The following MAF variants were observed in gnomAD, a reference collection of about 807,000 sequenced individuals.
MAF encodes the protein MAF bZIP transcription factor.
MAF carries 10 observed loss-of-function variants against 22.0 expected under a neutral mutation model. The observed-to-expected ratio is 0.45, with a 90% confidence interval of 0.28 to 0.77. The LOEUF (loss-of-function observed/expected upper bound fraction) is 0.77. Among genes scored for constraint, MAF ranks in the 30% least tolerant of loss-of-function variants. The pLI, the probability that MAF is intolerant of heterozygous loss-of-function variation, is 0.12. For missense variants in MAF, 544 were observed against 548.4 expected (o/e 0.99, Z 0.08); for synonymous variants, 337 against 255.8 (o/e 1.32, Z -3.03).
chr16:79,278,264 G>A, the MAF span, among the ~76,000 whole-genome samples: 1 of 152,212 alleles, frequency 6.6e-6, no homozygotes, highest in Non-Finnish European at 1.5e-5. Context: ...AGGGGAAAGT[G>A]AATCTTTAGC....
At chr16:79,337,670 G>C in the MAF span, among the ~76,000 whole-genome samples, 3 of 152,174 alleles carry the variant, frequency 2.0e-5, no homozygotes, top group Non-Finnish European at 2.9e-5. Context: ...ATGATTGTTA[G>C]GGGTGAAAGC....
chr16:79,564,278 C>T, the MAF span, among the ~76,000 whole-genome samples: 2 of 152,174 alleles, frequency 1.3e-5, no homozygotes, highest in Non-Finnish European at 1.5e-5. Context: ...GTGTGCCTGC[C>T]TTGCTGGAAG....
At chr16:79,584,911 CTA>C (rs944219960), downstream of MAF, among the ~76,000 whole-genome samples, 5 of 152,112 alleles carry the variant, frequency 3.3e-5, no homozygotes, top group African/African-American at 1.2e-4. Flanking sequence ...AAAAATGAGG[CTA>C]TGTTTTTCCA....
chr16:79,596,974 A>G (rs1042940835), intron 1 of MAF: 2 of 1,052,226 alleles, frequency 1.9e-6, no homozygotes, highest in Non-Finnish European at 2.3e-6. Context: ...AAAAACATAC[A>G]TTTTTGAATG....
chr16:79,375,566 G>A, the MAF span, among the ~76,000 whole-genome samples: 1 of 152,070 alleles, frequency 6.6e-6, no homozygotes, highest in Non-Finnish European at 1.5e-5. Flanking sequence ...TGACAATGAT[G>A]ATGAAGATGA....
the MAF span, among the ~76,000 whole-genome samples, chr16:79,252,015 C>T: frequency 6.6e-6 from 1 of 152,220 alleles, no homozygotes; most frequent in Admixed American, 6.5e-5. Flanking sequence ...ACTAAGAATC[C>T]TGCAAATAGC....
At chr16:79,492,783 C>A in the MAF span, among the ~76,000 whole-genome samples, 1 of 152,156 alleles carries the variant, frequency 6.6e-6, no homozygotes, top group African/African-American at 2.4e-5. Flanking sequence ...AGGGAACATT[C>A]TTTAAGTCCA....
At chr16:79,248,838 T>C in the MAF span, among the ~76,000 whole-genome samples, 6 of 152,166 alleles carry the variant, frequency 3.9e-5, no homozygotes, top group Non-Finnish European at 8.8e-5. Flanking sequence ...AATATCTCTA[T>C]TAAGTTACTT....
At chr16:79,451,281 C>G in the MAF span, among the ~76,000 whole-genome samples, 1 of 152,146 alleles carries the variant, frequency 6.6e-6, no homozygotes, top group Non-Finnish European at 1.5e-5. Context: ...TTTATAAGTG[C>G]CCATGTCTGC....
At chr16:79,285,602 A>G in the MAF span, among the ~76,000 whole-genome samples, 1 of 152,216 alleles carries the variant, frequency 6.6e-6, no homozygotes, top group East Asian at 1.9e-4. Context: ...TGTTGCTTTT[A>G]TAGGAAGTTT....
chr16:79,598,306 G>C, intron 1 of MAF: 3 of 1,092,156 alleles, frequency 2.7e-6, no homozygotes, highest in Non-Finnish European at 3.4e-6. Flanking sequence ...CACACACACA[G>C]AAAATGAACA....
At chr16:79,357,407 G>T in the MAF span, among the ~76,000 whole-genome samples, 1 of 152,132 alleles carries the variant, frequency 6.6e-6, no homozygotes, top group African/African-American at 2.4e-5. Flanking sequence ...CCAACAGTTG[G>T]GGCAACAGAG....
the MAF span, among the ~76,000 whole-genome samples, chr16:79,489,849 C>G: frequency 6.6e-6 from 1 of 152,070 alleles, no homozygotes; most frequent in Non-Finnish European, 1.5e-5. Context: ...GCTTTTCTAA[C>G]GGTGACTCTG....
chr16:79,335,150 A>C, the MAF span, among the ~76,000 whole-genome samples: 2 of 148,498 alleles, frequency 1.3e-5, no homozygotes, highest in Non-Finnish European at 3.0e-5. Context: ...GCGCCACTGC[A>C]CTCCAGCCTG....
chr16:79,221,739 G>A, the MAF span, among the ~76,000 whole-genome samples: 28 of 151,186 alleles, frequency 1.9e-4, no homozygotes, highest in Admixed American at 3.3e-4. Context: ...ACGTGTGTAC[G>A]TATACGTGAT....
chr16:79,253,587 G>C, the MAF span, among the ~76,000 whole-genome samples: 1 of 152,040 alleles, frequency 6.6e-6, no homozygotes, highest in Non-Finnish European at 1.5e-5. Context: ...ATGTGCATGC[G>C]GGAGGGTGGG....
the MAF span, among the ~76,000 whole-genome samples, chr16:79,444,865 T>C: frequency 6.6e-5 from 10 of 152,104 alleles, no homozygotes; most frequent in Admixed American, 6.5e-4. Context: ...ATCTATTAAT[T>C]GCATTGCATG....
the MAF span, among the ~76,000 whole-genome samples, chr16:79,421,412 T>C: frequency 6.6e-6 from 1 of 152,192 alleles, no homozygotes; most frequent in African/African-American, 2.4e-5. Flanking sequence ...CAACCGCTGA[T>C]CTTTTTACTG....
chr16:79,533,788 G>A, the MAF span, among the ~76,000 whole-genome samples: 38 of 152,282 alleles, frequency 2.5e-4, no homozygotes, highest in African/African-American at 8.4e-4. Context: ...CTCTGCGTGT[G>A]AGGATGTGGA....
Sources: gnomAD v4.1 joint callset for allele counts (sites outside exome capture counted in the v4.1 genomes callset) on GRCh38, gnomAD v4.1.1 for gene constraint, MANE v1.5 for transcripts, NCBI Gene and HGNC (gene_info 2026-07-23, HGNC 2026-07-21) for gene names.